Variants in SPEF2 observed in about 807,000 individuals in gnomAD.
SPEF2 encodes the protein sperm flagellar and cilia associated 2.
SPEF2 carries 187 observed loss-of-function variants against 224.6 expected under a neutral mutation model. The ratio of observed to expected loss-of-function variants is 0.83; its 90% confidence interval spans 0.74 to 0.94. SPEF2 has a LOEUF of 0.94. SPEF2 is among the 40% of genes least tolerant of loss of function. The pLI is 0.00. For missense variants in SPEF2, 2,170 were observed against 2,135.6 expected, an observed-to-expected ratio of 1.02 and a Z score of -0.32; for synonymous variants, 715 against 707.3, an observed-to-expected ratio of 1.01 and a Z score of -0.17.
At chr5:35,774,044 T>A (rs1444903338) in intron 28 of SPEF2, 23 bp downstream of exon 28, 2 of 1,607,212 alleles carry the variant, frequency 1.2e-6, no homozygotes, top group East Asian at 4.5e-5. Context: ...ACGACTAAGA[T>A]GATGCTTTTC....
intron 20 of SPEF2, among the ~76,000 whole-genome samples, chr5:35,727,254 A>T (rs4128903): frequency 0.92 from 140,684 of 152,182 alleles, 65,118 homozygotes; most frequent in South Asian, 0.99. Flanking sequence ...TCTGCCCTCT[A>T]ACCTGGTCTC....
At chr5:35,781,603 A>G (rs549722249) in intron 30 of SPEF2, 1 of 152,298 alleles carries the variant, frequency 6.6e-6, no homozygotes, top group African/African-American at 2.4e-5. Flanking sequence ...CCCAAGCTGG[A>G]GAATTAACCC....
chr5:35,646,370 T>C (rs995981213), intron 4 of SPEF2, among the ~76,000 whole-genome samples: 4 of 152,182 alleles, frequency 2.6e-5, no homozygotes, highest in African/African-American at 9.7e-5. Flanking sequence ...TATACACTTA[T>C]TTATATTTGG....
At chr5:35,744,531 A>G (rs543273562) in intron 23 of SPEF2, among the ~76,000 whole-genome samples, 1 of 152,332 alleles carries the variant, frequency 6.6e-6, no homozygotes, top group South Asian at 2.1e-4. Context: ...CACAGACATG[A>G]TGTTACTTGC....
intron 34 of SPEF2, among the ~76,000 whole-genome samples, chr5:35,801,023 C>T (rs10050755): frequency 0.22 from 33,833 of 152,092 alleles, 4,255 homozygotes; most frequent in African/African-American, 0.33. Context: ...TGGCCCTGAG[C>T]ATGTGGACAG....
In SPEF2 at chr5:35,709,022, C is replaced by G. The variant is rs1473582130; in HGVS notation, c.2740C>G (p.Pro914Ala). ...ASLAELPLPTPPPAPPPEPEK... is the reference protein window; with the variant it reads ...ASLAELPLPTAPPAPPPEPEK... ...CCTGGCTGAGCTTCCACTTCCTACACCTCCTCCTGCTCCTCCTCCTGAACC... is the reference window on the plus strand; with the variant it reads ...CCTGGCTGAGCTTCCACTTCCTACAGCTCCTCCTGCTCCTCCTCCTGAACC... The change falls in exon 19 of 37, where the codon CCT becomes GCT. Residue 914 changes from proline (P) to alanine (A), a missense_variant. By Grantham distance (27) the Pro-to-Ala change is conservative. Coordinates refer to ENST00000356031, the MANE Select transcript of SPEF2 (RefSeq NM_024867.4). The G allele has an allele frequency of 6.2e-7, 1 of 1,613,590 alleles. No individual in the cohort carries two copies.
At chr5:35,667,862 G>A (rs969953136) in intron 9 of SPEF2, among the ~76,000 whole-genome samples, 3 of 151,992 alleles carry the variant, frequency 2.0e-5, no homozygotes, top group Non-Finnish European at 4.4e-5. Flanking sequence ...GATATGAAAA[G>A]ACATTTCACT....
chr5:35,706,739 A>C (rs1416834526), intron 18 of SPEF2, among the ~76,000 whole-genome samples: 1 of 152,112 alleles, frequency 6.6e-6, no homozygotes, highest in Non-Finnish European at 1.5e-5. Flanking sequence ...AACCACAATC[A>C]CCATGGAAAT....
intron 10 of SPEF2, among the ~76,000 whole-genome samples, chr5:35,673,380 G>C (rs769277284): frequency 6.6e-6 from 1 of 152,180 alleles, no homozygotes; most frequent in African/African-American, 2.4e-5. Flanking sequence ...AATTCATAGC[G>C]TTTCACTTTT....
At chr5:35,776,105 T>G in intron 28 of SPEF2, 152 bp from the exon 29 acceptor site, 6 of 635,994 alleles carry the variant, frequency 9.4e-6, no homozygotes, top group East Asian at 3.2e-5. Flanking sequence ...TGCTTTTCAG[T>G]GAGATGGATA....
At chr5:35,767,370 C>T (rs866659904) in intron 26 of SPEF2, among the ~76,000 whole-genome samples, 17 of 151,862 alleles carry the variant, frequency 1.1e-4, no homozygotes, top group African/African-American at 3.9e-4. Context: ...TTTTCATCTT[C>T]TCTGTGTCTT....
At chr5:35,631,183 G>C (rs1180017960) in intron 2 of SPEF2, among the ~76,000 whole-genome samples, 1 of 152,214 alleles carries the variant, frequency 6.6e-6, no homozygotes. Flanking sequence ...CAGGCAAAGA[G>C]AGAGGTTGTG....
chr5:35,808,883 T>TATAC (rs1386688288), intron 36 of SPEF2, among the ~76,000 whole-genome samples: 1 of 146,736 alleles, frequency 6.8e-6, no homozygotes, highest in African/African-American at 2.5e-5. Flanking sequence ...GGGTTTTACA[T>TATAC]ATATATATAT....
chr5:35,813,934 A>G (rs1165317440), intron 36 of SPEF2, among the ~76,000 whole-genome samples: 1 of 152,194 alleles, frequency 6.6e-6, no homozygotes, highest in Non-Finnish European at 1.5e-5. Context: ...TTTGAAAAAT[A>G]TCTGTGATTT....
intron 7 of SPEF2, among the ~76,000 whole-genome samples, chr5:35,658,602 A>G (rs969850200): frequency 1.3e-5 from 2 of 151,688 alleles, no homozygotes; most frequent in South Asian, 4.2e-4. Flanking sequence ...TTTAACTTTT[A>G]TTTTAAGTTC....
intron 5 of SPEF2, among the ~76,000 whole-genome samples, chr5:35,648,169 C>A (rs34453516): frequency 6.6e-6 from 1 of 152,080 alleles, no homozygotes; most frequent in Non-Finnish European, 1.5e-5. Context: ...ATGTTTTACC[C>A]AGTGGTAGTA....
At chr5:35,704,698 A>G (rs1335956110) in intron 17 of SPEF2, 36 bp downstream of exon 17, 3 of 1,220,734 alleles carry the variant, frequency 2.5e-6, no homozygotes, top group Admixed American at 3.5e-5. Flanking sequence ...TTCTTGTTTC[A>G]TGCTTTTTAA....
intron 26 of SPEF2, 103 bp downstream of exon 26, chr5:35,763,805 C>T (rs1188525310): frequency 9.4e-7 from 1 of 1,067,156 alleles, no homozygotes; most frequent in Non-Finnish European, 1.3e-6. Context: ...CTCTCAAGCA[C>T]TGTAGAAAAT....
At chr5:35,681,526 A>G (rs114707012) in intron 10 of SPEF2, among the ~76,000 whole-genome samples, 3,050 of 152,316 alleles carry the variant, frequency 0.02, 53 homozygotes, top group Non-Finnish European at 0.032. Context: ...ATCTTGTCCA[A>G]TGAAATATCT....
Sources: allele counts gnomAD v4.1 joint callset (sites outside exome capture counted in the v4.1 genomes callset), GRCh38; gene constraint gnomAD v4.1.1; transcripts MANE v1.5; gene names NCBI Gene and HGNC (gene_info 2026-07-23, HGNC 2026-07-21).